The following CHST11 variants were observed in gnomAD, a reference collection of about 807,000 sequenced individuals.
The protein encoded by CHST11 is C4S-1.
CHST11 carries 9 observed loss-of-function variants against 30.4 expected under a neutral mutation model. The observed-to-expected ratio is 0.30, with a 90% CI of 0.18 to 0.52. The LOEUF (loss-of-function observed/expected upper bound fraction) is 0.52, where lower values mean the gene tolerates loss of function less well. CHST11 is among the 20% of genes least tolerant of loss of function. CHST11 has a pLI of 0.97. For missense variants in CHST11, 348 were observed against 460.6 expected (o/e 0.76, Z 2.24); for synonymous variants, 152 against 187.8 (o/e 0.81, Z 1.56).
chr12:104,515,936 T>A (rs1249308430), intron 1 of CHST11, among the ~76,000 whole-genome samples: 1 of 152,232 alleles, frequency 6.6e-6, no homozygotes, highest in Non-Finnish European at 1.5e-5. Context: ...GTATTTTAAT[T>A]TCAGCATTGG....
At position 104,620,675 on chromosome 12, in the gene CHST11, C is replaced by T. The variant is rs114187536; in HGVS notation, c.204+18684C>T. On this transcript the variant is annotated intron_variant, in intron 2 of 2. Coordinates refer to ENST00000303694, the MANE Select transcript of CHST11 (RefSeq NM_018413.6). ...TTATTACTTACCCAGAGTAAAGCGT[C>T]ATTTTTCTTGAGCAAGTGGCAAAAT... Among the ~76,000 whole-genome samples, 950 of 152,278 alleles carry T rather than the reference C, an allele frequency of 6.2e-3. 11 individuals are homozygous for T. Among genetic ancestry groups the T allele is most frequent in the African/African-American group, 0.022 (896 of 41,546 alleles).
chr12:104,658,541 A>T (rs113421896), intron 2 of CHST11, among the ~76,000 whole-genome samples: 42 of 152,318 alleles, frequency 2.8e-4, no homozygotes, highest in African/African-American at 9.6e-4. Context: ...TTTTGGAGAG[A>T]CACAGTTAAT....
intron 1 of CHST11, among the ~76,000 whole-genome samples, chr12:104,546,239 G>T (rs1284108848): frequency 6.6e-6 from 1 of 151,946 alleles, no homozygotes; most frequent in Non-Finnish European, 1.5e-5. Flanking sequence ...GGAGGCTTAG[G>T]TAGGAGGATC....
At chr12:104,555,504 A>G (rs1485677270) in intron 1 of CHST11, among the ~76,000 whole-genome samples, 8 of 152,188 alleles carry the variant, frequency 5.3e-5, no homozygotes, top group Non-Finnish European at 1.2e-4. Context: ...TCTTCTCTGC[A>G]TATTTTTAAT....
chr12:104,686,879 C>T (rs1471987518), intron 2 of CHST11, among the ~76,000 whole-genome samples: 3 of 152,338 alleles, frequency 2.0e-5, no homozygotes, highest in East Asian at 3.9e-4. Flanking sequence ...AACTCCTGAC[C>T]TCAGGTGATC....
chr12:104,590,911 G>A (rs577795783), intron 1 of CHST11, among the ~76,000 whole-genome samples: 28 of 151,724 alleles, frequency 1.8e-4, no homozygotes, highest in African/African-American at 6.3e-4. Flanking sequence ...GAGAGAACGA[G>A]ACCCTGTCTT....
At chr12:104,464,065 C>G (rs2037435002) in intron 1 of CHST11, among the ~76,000 whole-genome samples, 1 of 145,448 alleles carries the variant, frequency 6.9e-6, no homozygotes, top group African/African-American at 2.6e-5. Flanking sequence ...CTCCTACTTG[C>G]ACTTTTTTTT....
chr12:104,625,857 C>T (rs948231881), intron 2 of CHST11, among the ~76,000 whole-genome samples: 10 of 152,110 alleles, frequency 6.6e-5, no homozygotes, highest in Non-Finnish European at 5.9e-5. Flanking sequence ...TTGAACCCTG[C>T]TAATTTAGAA....
At chr12:104,570,686 C>A (rs892755733) in intron 1 of CHST11, among the ~76,000 whole-genome samples, 21 of 145,530 alleles carry the variant, frequency 1.4e-4, no homozygotes, top group African/African-American at 5.3e-4. Flanking sequence ...ATATGTAAGC[C>A]ACTGCACTTT....
chr12:104,757,410 G>T lies in CHST11; in HGVS notation c.666G>T (p.Lys222Asn). 1 of 1,614,098 alleles carries T rather than the reference G, an allele frequency of 6.2e-7. No individual in the cohort carries two copies. Among genetic ancestry groups the T allele is most frequent in the Non-Finnish European group, 8.5e-7 (1 of 1,180,024 alleles). Residue 222 changes from lysine (K) to asparagine (N), a missense_variant, in exon 3 of 3, where the codon AAG becomes AAT. Around this residue, in one of 3 missense-constraint regions of CHST11, gnomAD observed 210 missense variants for 287.2 expected, o/e 0.73. Transcript: ENST00000303694. The surrounding 1 kb of genome is among the most constrained non-coding windows in gnomAD (Gnocchi z 6.5). ...CCAAGATCATCAAACGCCAGCGGAAGAACGCCACCCAGGAGGCCCTGCGCA... is the reference window on the plus strand; with the variant it reads ...CCAAGATCATCAAACGCCAGCGGAATAACGCCACCCAGGAGGCCCTGCGCA... ...YGTKIIKRQR[K>N]NATQEALRKG...
At chr12:104,476,036 A>G (rs12315283) in intron 1 of CHST11, among the ~76,000 whole-genome samples, 18,959 of 142,948 alleles carry the variant, frequency 0.13, 1,409 homozygotes, top group South Asian at 0.19. Flanking sequence ...TAATATATAC[A>G]TATATGTAAT....
chr12:104,536,464 G>A (rs2038237984), intron 1 of CHST11, among the ~76,000 whole-genome samples: 2 of 152,160 alleles, frequency 1.3e-5, no homozygotes, highest in South Asian at 4.1e-4. Flanking sequence ...GGCCTCACTT[G>A]TCCATATGAT....
intron 2 of CHST11, among the ~76,000 whole-genome samples, chr12:104,632,304 T>C (rs2039278806): frequency 6.6e-6 from 1 of 152,166 alleles, no homozygotes; most frequent in Admixed American, 6.5e-5. Context: ...CCATTTAGTT[T>C]GCAGGAGCCT....
chr12:104,596,153 A>C (rs1592785085), intron 1 of CHST11, among the ~76,000 whole-genome samples: 1 of 152,232 alleles, frequency 6.6e-6, no homozygotes, highest in African/African-American at 2.4e-5. Flanking sequence ...GGTATTGCTC[A>C]CTCCTCTAAC....
chr12:104,702,751 A>T (rs1355198303), intron 2 of CHST11, among the ~76,000 whole-genome samples: 1 of 152,212 alleles, frequency 6.6e-6, no homozygotes, highest in Non-Finnish European at 1.5e-5. Context: ...ACATTAAGTT[A>T]TCCCCTGCTA....
intron 2 of CHST11, among the ~76,000 whole-genome samples, chr12:104,658,074 A>G (rs73388158): frequency 0.038 from 5,798 of 152,278 alleles, 292 homozygotes; most frequent in African/African-American, 0.12. Context: ...TTTTACAAGC[A>G]TGCTGTGTGG....
intron 1 of CHST11, among the ~76,000 whole-genome samples, chr12:104,462,856 G>A (rs1337850246): frequency 1.3e-5 from 2 of 152,154 alleles, no homozygotes; most frequent in African/African-American, 2.4e-5. Context: ...TTTGCACCTC[G>A]ATGGAGCATT....
At chr12:104,706,000 T>C (rs2040029788) in intron 2 of CHST11, among the ~76,000 whole-genome samples, 2 of 152,108 alleles carry the variant, frequency 1.3e-5, no homozygotes, top group Non-Finnish European at 2.9e-5. Flanking sequence ...GCAGGAGGAT[T>C]GCTTGAGTGC....
At chr12:104,605,230 T>C (rs2038993640) in intron 2 of CHST11, among the ~76,000 whole-genome samples, 1 of 151,786 alleles carries the variant, frequency 6.6e-6, no homozygotes, top group African/African-American at 2.4e-5. Context: ...ATTTTGGCTA[T>C]AATCTGGGAA....
Sources: allele counts gnomAD v4.1 joint callset (sites outside exome capture counted in the v4.1 genomes callset), GRCh38; gene constraint gnomAD v4.1.1; regional missense constraint gnomAD v4.1.1; non-coding constraint Gnocchi (gnomAD v3.1); transcripts MANE v1.5; gene names NCBI Gene and HGNC (gene_info 2026-07-23, HGNC 2026-07-21).